Variants in GRIK3 observed in about 807,000 individuals in gnomAD.
GRIK3 encodes the protein glutamate receptor ionotropic, kainate 3.
GRIK3 carries 29 observed loss-of-function variants against 102.5 expected under a neutral mutation model. That is an observed-to-expected ratio of 0.28 (90% CI 0.21 to 0.39). The LOEUF is 0.39. GRIK3 is among the 10% of genes least tolerant of loss of function. The pLI is 1.00. For missense variants in GRIK3, 908 were observed against 1,252.4 expected (o/e 0.73, Z 4.15); for synonymous variants, 511 against 504.9 (o/e 1.01, Z -0.16).
chr1:36,820,955 G>A (rs1642690265), intron 11 of GRIK3, among the ~76,000 whole-genome samples: 1 of 152,142 alleles, frequency 6.6e-6, no homozygotes, highest in Non-Finnish European at 1.5e-5. Context: ...AGGTTGGGGG[G>A]ACCCTAGAAA....
Position 36,850,907 on chromosome 1 carries a change from G to C in GRIK3, c.1213-483C>G, listed in dbSNP as rs1159684253. On this transcript the variant is annotated intron_variant, in intron 8 of 15. Coordinates refer to ENST00000373091, the MANE Select transcript of GRIK3 (RefSeq NM_000831.4). The surrounding 1 kb of genome is among the most constrained non-coding windows in gnomAD (Gnocchi z 4.0). ...TGGGTTTAAAGGCAGTTTGCTTTGT[G>C]GTTTTACATTTAAAACTGGCAGACA... Among the ~76,000 whole-genome samples, 1 of 152,174 alleles carries C rather than the reference G, an allele frequency of 6.6e-6. No individual in the cohort carries two copies. Among genetic ancestry groups the C allele is most frequent in the African/African-American group, 2.4e-5 (1 of 41,428 alleles).
intron 1 of GRIK3, among the ~76,000 whole-genome samples, chr1:37,021,138 G>GAGAC (rs1022026577): frequency 6.8e-6 from 1 of 145,988 alleles, no homozygotes; most frequent in Non-Finnish European, 1.5e-5. Context: ...GAGAGAGAGA[G>GAGAC]AGAGAGAGAG....
chr1:36,979,378 GTC>G (rs1642227105), intron 1 of GRIK3, among the ~76,000 whole-genome samples: 1 of 152,240 alleles, frequency 6.6e-6, no homozygotes, highest in Non-Finnish European at 1.5e-5. Flanking sequence ...GCTGGTTTTG[GTC>G]TCTTGACACA....
intron 11 of GRIK3, among the ~76,000 whole-genome samples, chr1:36,824,940 T>C (rs1378449774): frequency 6.6e-6 from 1 of 152,118 alleles, no homozygotes; most frequent in Non-Finnish European, 1.5e-5. Flanking sequence ...CTAAATAAGA[T>C]AACAGCTGTA....
At chr1:36,971,556 TAAG>T (rs1642141719) in intron 1 of GRIK3, among the ~76,000 whole-genome samples, 1 of 152,112 alleles carries the variant, frequency 6.6e-6, no homozygotes. Context: ...CTCTGTGCCT[TAAG>T]AAGGATGAGA....
At chr1:36,811,259 C>G (rs1642558625) in intron 13 of GRIK3, among the ~76,000 whole-genome samples, 1 of 152,088 alleles carries the variant, frequency 6.6e-6, no homozygotes, top group African/African-American at 2.4e-5. Flanking sequence ...AGAAAAATCT[C>G]TATAGTGCTG....
chr1:36,942,047 T>C (rs1180968155), intron 1 of GRIK3, among the ~76,000 whole-genome samples: 2 of 152,156 alleles, frequency 1.3e-5, no homozygotes, highest in African/African-American at 4.8e-5. Flanking sequence ...CAAGCACTCT[T>C]TGAGGATGCA....
intron 1 of GRIK3, among the ~76,000 whole-genome samples, chr1:36,968,100 A>AC (rs1295283753): frequency 6.6e-6 from 1 of 151,904 alleles, no homozygotes. Flanking sequence ...TGCCCCAGCT[A>AC]CCCCCATCTC....
intron 13 of GRIK3, among the ~76,000 whole-genome samples, chr1:36,808,708 C>A (rs74064758): frequency 6.6e-6 from 1 of 152,110 alleles, no homozygotes; most frequent in Non-Finnish European, 1.5e-5. Flanking sequence ...GAGGACTCAG[C>A]GAAACTGCCT....
At chr1:37,017,913 T>C (rs533927329) in intron 1 of GRIK3, among the ~76,000 whole-genome samples, 7 of 152,314 alleles carry the variant, frequency 4.6e-5, no homozygotes, top group African/African-American at 1.7e-4. Flanking sequence ...GAGTCCTCTT[T>C]TGACGTCACA....
At chr1:36,840,614 C>T (rs61198892) in intron 10 of GRIK3, among the ~76,000 whole-genome samples, 19,161 of 151,014 alleles carry the variant, frequency 0.13, 1,321 homozygotes, top group Non-Finnish European at 0.16. Context: ...GTAGCCCCAG[C>T]TACTCAGGAG....
rs1191149066 is a variant in GRIK3, at chr1:37,030,532, C to A, written c.115+3462G>T. Reference sequence around the variant, plus strand: ...AGAGCTGGGCCAACCCTTCCTTTTCCCCACCCCCCACCCCCTCCCCCCCCC... The same window carrying A: ...AGAGCTGGGCCAACCCTTCCTTTTCACCACCCCCCACCCCCTCCCCCCCCC... On this transcript the variant is annotated intron_variant, in intron 1 of 15. Coordinates refer to ENST00000373091, the MANE Select transcript of GRIK3 (RefSeq NM_000831.4). 8.1e-5 allele frequency among the ~76,000 whole-genome samples: 8 copies of A among 99,114 alleles called. No homozygotes were observed. The South Asian group carries it at 1.8e-3, about 22-fold the overall frequency. 65.0% of individuals were successfully genotyped at this position (99,114 alleles called of 152,430 possible). A position where few individuals can be genotyped will look rare whatever the true frequency, so the allele number is the denominator to read the frequency against.
intron 1 of GRIK3, among the ~76,000 whole-genome samples, chr1:37,014,204 T>A (rs905301854): frequency 6.6e-6 from 1 of 152,248 alleles, no homozygotes; most frequent in Non-Finnish European, 1.5e-5. Flanking sequence ...GTTAATTGTT[T>A]GTTGCCCTAA....
At chr1:36,830,473 G>A (rs904798471) in intron 10 of GRIK3, among the ~76,000 whole-genome samples, 15 of 152,174 alleles carry the variant, frequency 9.9e-5, no homozygotes, top group Non-Finnish European at 1.9e-4. Flanking sequence ...TATACTGAAT[G>A]AGGGTGGGCC....
chr1:36,821,031 C>T (rs1028389535), intron 11 of GRIK3, among the ~76,000 whole-genome samples: 1 of 152,112 alleles, frequency 6.6e-6, no homozygotes, highest in Non-Finnish European at 1.5e-5. Flanking sequence ...TGAGAGGACA[C>T]ATCTGGAAGG....
intron 1 of GRIK3, among the ~76,000 whole-genome samples, chr1:36,909,042 C>A (rs1461929774): frequency 6.6e-6 from 1 of 152,146 alleles, no homozygotes; most frequent in African/African-American, 2.4e-5. Context: ...GAGGAAGTAA[C>A]ATTGCCTCAA....
intron 5 of GRIK3, among the ~76,000 whole-genome samples, chr1:36,867,514 G>T (rs1265190071): frequency 6.6e-6 from 1 of 152,124 alleles, no homozygotes; most frequent in Non-Finnish European, 1.5e-5. Context: ...CCACCCTTGG[G>T]ACAGACGACG....
At position 37,034,434 on chromosome 1, in the gene GRIK3, G is replaced by T. The variant is rs1642865785; in HGVS notation, c.-326C>A. 6.6e-5 allele frequency among the ~76,000 whole-genome samples: 10 copies of T among 151,142 alleles called. No homozygotes were observed. Among genetic ancestry groups the T allele is most frequent in the Admixed American group, 6.6e-4 (10 of 15,228 alleles). ...GCGCGGGCTCCCACCTGCCCCGGCTGCCGGGCTCTGGCGGGCGGGCTGCAC... is the reference window on the plus strand; with the variant it reads ...GCGCGGGCTCCCACCTGCCCCGGCTTCCGGGCTCTGGCGGGCGGGCTGCAC... On this transcript the variant is annotated 5_prime_UTR_variant, in exon 1 of 16. Transcript: ENST00000373091.
chr1:36,858,944 G>A (rs1456042207), intron 7 of GRIK3, among the ~76,000 whole-genome samples, 164 bp downstream of exon 7: 5 of 152,186 alleles, frequency 3.3e-5, no homozygotes, highest in Admixed American at 3.3e-4. Context: ...TTGGTCCTAT[G>A]GAGCCCATTT....
Sources: gnomAD v4.1 joint callset for allele counts (sites outside exome capture counted in the v4.1 genomes callset) on GRCh38, gnomAD v4.1.1 for gene constraint, Gnocchi (gnomAD v3.1) non-coding constraint, MANE v1.5 for transcripts, NCBI Gene and HGNC (gene_info 2026-07-23, HGNC 2026-07-21) for gene names.